Variants in FOXH1 observed in about 807,000 individuals in gnomAD.
The protein encoded by FOXH1 is forkhead box protein H1.
A neutral mutation model predicts 14.2 loss-of-function variants in FOXH1; 10 were observed. That is an observed-to-expected ratio of 0.70 (90% CI 0.43 to 1.19). FOXH1 has a LOEUF of 1.19. FOXH1 is among the 50% of genes most tolerant of loss of function. The pLI, the probability that FOXH1 is intolerant of heterozygous loss-of-function variation, is 0.00. For missense variants in FOXH1, 643 were observed against 492.1 expected (o/e 1.31, Z -2.90); for synonymous variants, 273 against 209.5 (o/e 1.30, Z -2.62).
At position 144,475,669 on chromosome 8, in the gene FOXH1, G is replaced by T. The variant is rs1334810532; in HGVS notation, c.88C>A (p.Arg30=). Residue 30 remains arginine (R), a synonymous_variant, in exon 1 of 3, where the codon CGA becomes AGA. Coordinates refer to ENST00000377317, the MANE Select transcript of FOXH1 (RefSeq NM_003923.3). ...TAGGTGTAGGGGGGCTTGTCATGTC[G>T]CAGGTACCTCTTCTTCCTCCTCTTA... The part of the protein sequence containing the change: ...PPKRRKKRYL[R]HDKPPYTYLA... 7.0e-7 allele frequency: 1 copy of T among 1,424,252 alleles called. No individual in the cohort carries two copies. The allele number at this position is 1,424,252 out of a possible 1,614,324, so 88.2% of individuals were successfully genotyped here.
Position 144,473,489 on chromosome 8 carries a change from C to T in FOXH1, c.*749G>A, listed in dbSNP as rs1232173039. 2.8e-6 allele frequency: 4 copies of T among 1,435,392 alleles called. No individual in the cohort carries two copies. The highest frequency in any genetic ancestry group is 2.7e-5 in the Admixed American group (1 of 36,934). The allele number at this position is 1,435,392 out of a possible 1,614,324, so 88.9% of individuals were successfully genotyped here. The stretch of plus-strand genomic sequence containing the variant: ...CCCCGTCTCCCAGGGCACAAGCTCC[C>T]TAGCCTCTTTGGATCCATTGCCCCT... On this transcript the variant is annotated 3_prime_UTR_variant, in exon 3 of 3. Transcript: ENST00000377317.
At position 144,474,261 on chromosome 8, in the gene FOXH1, GC is replaced by G; in HGVS notation, c.1074del (p.Trp358CysfsTer95). ...CCTCACAGGCTGCACCAGGAGAGCA[GC>G]CAGCCTGGGCCAGGGGCCGCCAGGT... Reference protein sequence around the residue: ...PRDLAAPGPGWLLSWCSL With the variant: ...PRDLAAPGPGXLLSWCSL On this transcript the variant is annotated frameshift_variant, in exon 3 of 3. Transcript: ENST00000377317. LOFTEE classifies it high-confidence loss of function. 1 of 1,587,818 alleles carries G rather than the reference GC, an allele frequency of 6.3e-7. No homozygotes were observed. Among genetic ancestry groups the G allele is most frequent in the Non-Finnish European group, 8.6e-7 (1 of 1,166,234 alleles).
Position 144,474,389 on chromosome 8 carries a change from TCAGGGGCCACCCCC to T in FOXH1, c.933_946del (p.Trp311Ter). The T allele has an allele frequency of 6.2e-7, 1 of 1,613,222 alleles. No homozygotes were observed. The highest frequency in any genetic ancestry group is 8.5e-7 in the Non-Finnish European group (1 of 1,180,000). On this transcript the variant is annotated stop_gained and frameshift_variant, in exon 3 of 3. Coordinates refer to ENST00000377317, the MANE Select transcript of FOXH1 (RefSeq NM_003923.3). LOFTEE classifies it high-confidence loss of function. ...GAGCAGCCCTGGGGGCCCTCGGGTT[TCAGGGGCCACCCCC>T]CAGTAGGCAGGGCTGGTTGACGGAC...
In FOXH1 at chr8:144,473,916, G is replaced by T. The variant is rs1440626432; in HGVS notation, c.*322C>A. On this transcript the variant is annotated 3_prime_UTR_variant, in exon 3 of 3. Coordinates refer to ENST00000377317, the MANE Select transcript of FOXH1 (RefSeq NM_003923.3). ...CCCTCCCCCAGCCTGGAGCACGGGA[G>T]GGGAGGTGACGGCTGGTGACTGATG... 2.3e-6 allele frequency: 1 copy of T among 433,728 alleles called. No individual in the cohort carries two copies. Among genetic ancestry groups the T allele is most frequent in the South Asian group, 4.2e-5 (1 of 23,998 alleles). 26.9% of individuals were successfully genotyped at this position (433,728 alleles called of 1,614,324 possible).
chr8:144,474,838 G>A lies in FOXH1; in HGVS notation c.498C>T (p.Gly166=), dbSNP rs762304863. Residue 166 remains glycine, a synonymous_variant, in exon 3 of 3, where the codon GGC becomes GGT. Transcript: ENST00000377317. The stretch of plus-strand genomic sequence containing the variant: ...CTCCTAGCAGGGACTTGATGCTGAA[G>A]CCCTCACTGGGTGGTGGCGGGGGAC... The part of the protein sequence containing the change: ...PPSPPPPPSE[G]FSIKSLLGGS... 1.2e-6 allele frequency: 2 copies of A among 1,611,774 alleles called. No individual in the cohort carries two copies. Among genetic ancestry groups the A allele is most frequent in the African/African-American group, 1.3e-5 (1 of 74,936 alleles).
chr8:144,474,663 G>T lies in FOXH1; in HGVS notation c.673C>A (p.Pro225Thr). 2 of 1,551,668 alleles carry T rather than the reference G, an allele frequency of 1.3e-6. No individual in the cohort carries two copies. Among genetic ancestry groups the T allele is most frequent in the East Asian group, 2.3e-5 (1 of 43,382 alleles). Residue 225 changes from proline (P) to threonine (T), a missense_variant, in exon 3 of 3, where the codon CCC becomes ACC. Pro to Thr is a conservative substitution (Grantham distance 38). Coordinates refer to ENST00000377317, the MANE Select transcript of FOXH1 (RefSeq NM_003923.3). ...ACAGTCTCCCCCTCCACTCTCGTGG[G>T]GCCAGGAAGGGGGCAGAGGGGCCAC... ...PLWPLCPLPG[P>T]TRVEGETVQG...
intron 1 of FOXH1, 48 bp downstream of exon 1, chr8:144,475,535 G>A (rs1408705160): frequency 7.1e-7 from 1 of 1,402,138 alleles, no homozygotes; most frequent in Admixed American, 2.9e-5. Context: ...GGAAGTGGGT[G>A]GGGAACGAGT....
At position 144,474,289 on chromosome 8, in the gene FOXH1, C is replaced by A; in HGVS notation, c.1047G>T (p.Arg349=). 6.2e-7 allele frequency: 1 copy of A among 1,605,550 alleles called. No individual in the cohort carries two copies. Among genetic ancestry groups the A allele is most frequent in the East Asian group, 2.2e-5 (1 of 44,788 alleles). ...SIYDVWVSHP[R]DLAAPGPGWL... ...AGCCTGGGCCAGGGGCCGCCAGGTC[C>A]CGAGGGTGGCTGACCCAAACGTCGT... Residue 349 remains arginine, a synonymous_variant, in exon 3 of 3, where the codon CGG becomes CGT. Transcript: ENST00000377317.
chr8:144,474,143 G>A lies in FOXH1; in HGVS notation c.*95C>T, dbSNP rs1210143173. ...CAAGGCTGCTGCCTGGTGTTTCGAGGCTGCTGTGGTCGCAGACAGCCGCCT... is the reference window on the plus strand; with the variant it reads ...CAAGGCTGCTGCCTGGTGTTTCGAGACTGCTGTGGTCGCAGACAGCCGCCT... On this transcript the variant is annotated 3_prime_UTR_variant, in exon 3 of 3. Transcript: ENST00000377317. 3.1e-6 allele frequency: 3 copies of A among 956,894 alleles called. No homozygotes were observed. Among genetic ancestry groups the A allele is most frequent in the Non-Finnish European group, 1.5e-6 (1 of 653,038 alleles). The allele number at this position is 956,894 out of a possible 1,614,324, so 59.3% of individuals were successfully genotyped here.
rs2130029590 is a variant in FOXH1, at chr8:144,473,597, C to T, written c.*641G>A. ...AAGTGATCACCCCCCGCCCCCAGCC[C>T]TGCATCAGGCCACAGGTCTTGGCTT... is the stretch of plus-strand genomic sequence containing the variant. On this transcript the variant is annotated 3_prime_UTR_variant, in exon 3 of 3. Coordinates refer to ENST00000377317, the MANE Select transcript of FOXH1 (RefSeq NM_003923.3). 1.5e-6 allele frequency: 1 copy of T among 683,032 alleles called. No homozygotes were observed. The highest frequency in any genetic ancestry group is 3.2e-5 in the East Asian group (1 of 30,942). The allele number at this position is 683,032 out of a possible 1,614,324, so 42.3% of individuals were successfully genotyped here. A position where few individuals can be genotyped will look rare whatever the true frequency, so the allele number is the denominator to read the frequency against.
rs374775293 is a variant in FOXH1 at position 144,474,811 on chromosome 8, C to T, written c.525G>A (p.Gly175=). ...EGFSIKSLLG[G]SGEGAPWPGL... ...CCGGCCAGGGTGCCCCCTCCCCGGACCCTCCTAGCAGGGACTTGATGCTGA... is the reference window on the plus strand; with the variant it reads ...CCGGCCAGGGTGCCCCCTCCCCGGATCCTCCTAGCAGGGACTTGATGCTGA... The change falls in exon 3 of 3, where the codon GGG becomes GGA. Residue 175 remains glycine (G), a synonymous_variant. Coordinates refer to ENST00000377317, the MANE Select transcript of FOXH1 (RefSeq NM_003923.3). 5.8e-5 allele frequency: 93 copies of T among 1,609,464 alleles called. No individual in the cohort carries two copies. In the African/African-American group the frequency reaches 8.1e-4, roughly 14 times the overall value.
Position 144,473,716 on chromosome 8 carries a change from A to C in FOXH1, c.*522T>G. 1 of 451,294 alleles carries C rather than the reference A, an allele frequency of 2.2e-6. No individual in the cohort carries two copies. The highest frequency in any genetic ancestry group is 3.9e-6 in the Non-Finnish European group (1 of 257,264). 28.0% of individuals were successfully genotyped at this position (451,294 alleles called of 1,614,324 possible). On this transcript the variant is annotated 3_prime_UTR_variant, in exon 3 of 3. Transcript: ENST00000377317. Reference sequence around the variant, plus strand: ...TACCCAAGTCACCACTCCTGACCCAAAAATCAGGCATGGCATTAAAACGTT... The same window carrying C: ...TACCCAAGTCACCACTCCTGACCCACAAATCAGGCATGGCATTAAAACGTT...
chr8:144,474,707 G>C lies in FOXH1; in HGVS notation c.629C>G (p.Pro210Arg). The C allele has an allele frequency of 6.5e-7, 1 of 1,537,444 alleles. No individual in the cohort carries two copies. The highest frequency in any genetic ancestry group is 1.2e-5 in the South Asian group (1 of 80,286). The change falls in exon 3 of 3, where the codon CCC (proline) becomes CGC (arginine). Residue 210 changes from proline to arginine, a missense_variant. Coordinates refer to ENST00000377317, the MANE Select transcript of FOXH1 (RefSeq NM_003923.3). Reference sequence around the variant, plus strand: ...GGGCCACAGAGGCCTCTCAGAAGAGGGAAGGGGTGGGGTGGGCACCGCCTC... The same window carrying C: ...GGGCCACAGAGGCCTCTCAGAAGAGCGAAGGGGTGGGGTGGGCACCGCCTC... ...GEEAVPTPPL[P>R]SSERPLWPLC...
chr8:144,473,811 G>A lies in FOXH1; in HGVS notation c.*427C>T. On this transcript the variant is annotated 3_prime_UTR_variant, in exon 3 of 3. Transcript: ENST00000377317. Reference sequence around the variant, plus strand: ...GGGTGCAGTCTTTACTCCCTAACCCGTTTCCCGAAAAAGGTGCTACCTCCT... The same window carrying A: ...GGGTGCAGTCTTTACTCCCTAACCCATTTCCCGAAAAAGGTGCTACCTCCT... The A allele has an allele frequency of 2.8e-6, 1 of 351,496 alleles. No homozygotes were observed. 21.8% of individuals were successfully genotyped at this position (351,496 alleles called of 1,614,324 possible).
At position 144,474,809 on chromosome 8, in the gene FOXH1, G is replaced by T. The variant is rs758309990; in HGVS notation, c.527C>A (p.Ser176Tyr). The T allele has an allele frequency of 1.6e-5, 25 of 1,609,120 alleles. No individual in the cohort carries two copies. Among genetic ancestry groups the T allele is most frequent in the Non-Finnish European group, 2.1e-5 (25 of 1,178,054 alleles). ...CCCCGGCCAGGGTGCCCCCTCCCCGGACCCTCCTAGCAGGGACTTGATGCT... is the reference window on the plus strand; with the variant it reads ...CCCCGGCCAGGGTGCCCCCTCCCCGTACCCTCCTAGCAGGGACTTGATGCT... ...GFSIKSLLGGSGEGAPWPGLA... is the reference protein window; with the variant it reads ...GFSIKSLLGGYGEGAPWPGLA... Residue 176 changes from serine to tyrosine, a missense_variant, in exon 3 of 3, where the codon TCC (serine) becomes TAC (tyrosine). Transcript: ENST00000377317.
chr8:144,475,319 C>G, intron 1 of FOXH1, 58 bp from the exon 2 acceptor site: 3 of 1,388,728 alleles, frequency 2.2e-6, no homozygotes, highest in Non-Finnish European at 3.0e-6. Context: ...GGGGTAGCGC[C>G]CTACCCCTCC....
rs1435038507 is a variant in FOXH1 at position 144,474,105 on chromosome 8, C to T, written c.*133G>A. Reference sequence around the variant, plus strand: ...ATGCGTGGGGTGGCCCAATAAACACCGTGGACTCCCAGCAAGGCTGCTGCC... The same window carrying T: ...ATGCGTGGGGTGGCCCAATAAACACTGTGGACTCCCAGCAAGGCTGCTGCC... On this transcript the variant is annotated 3_prime_UTR_variant, in exon 3 of 3. Coordinates refer to ENST00000377317, the MANE Select transcript of FOXH1 (RefSeq NM_003923.3). The T allele has an allele frequency of 5.7e-6, 4 of 704,252 alleles. No homozygotes were observed. Among genetic ancestry groups the T allele is most frequent in the Non-Finnish European group, 7.0e-6 (3 of 430,172 alleles). The allele number at this position is 704,252 out of a possible 1,614,324, so 43.6% of individuals were successfully genotyped here. A position where few individuals can be genotyped will look rare whatever the true frequency, so the allele number is the denominator to read the frequency against.
In FOXH1 at chr8:144,475,693, T is replaced by G; in HGVS notation, c.64A>C (p.Lys22Gln). 1 of 1,418,140 alleles carries G rather than the reference T, an allele frequency of 7.1e-7. No individual in the cohort carries two copies. The highest frequency in any genetic ancestry group is 1.7e-5 in the South Asian group (1 of 60,160). 87.8% of individuals were successfully genotyped at this position (1,418,140 alleles called of 1,614,324 possible). A position where few individuals can be genotyped will look rare whatever the true frequency, so the allele number is the denominator to read the frequency against. ...PEAESPSQPP[K>Q]RRKKRYLRHD... ...CGCAGGTACCTCTTCTTCCTCCTCTTAGGGGGCTGGGAGGGCGACTCTGCC... is the reference window on the plus strand; with the variant it reads ...CGCAGGTACCTCTTCTTCCTCCTCTGAGGGGGCTGGGAGGGCGACTCTGCC... The change falls in exon 1 of 3, where the codon AAG becomes CAG. Residue 22 changes from lysine (K) to glutamine (Q), a missense_variant. By Grantham distance (53) the Lys-to-Gln change is moderately conservative (BLOSUM62 1). Coordinates refer to ENST00000377317, the MANE Select transcript of FOXH1 (RefSeq NM_003923.3).
chr8:144,475,592 C>T lies in FOXH1; in HGVS notation c.165G>A (p.Lys55=), dbSNP rs776865143. The change falls in exon 1 of 3, where the codon AAG becomes AAA. Residue 55 remains lysine, a synonymous_variant. Transcript: ENST00000377317. ...VIQAAPSRRL[K]LAQIIRQVQA... ...GCCGGGGCCCGCTCACCTGGGCCAG[C>T]TTCAGTCTGCGGGAGGGAGCGGCCT... The T allele has an allele frequency of 7.2e-5, 104 of 1,448,618 alleles. No homozygotes were observed. Among genetic ancestry groups the T allele is most frequent in the Admixed American group, 5.2e-4 (18 of 34,576 alleles). The allele number at this position is 1,448,618 out of a possible 1,614,324, so 89.7% of individuals were successfully genotyped here.
Sources: allele counts gnomAD v4.1 joint callset, GRCh38; gene constraint gnomAD v4.1.1; transcripts MANE v1.5; gene names NCBI Gene and HGNC (gene_info 2026-07-23, HGNC 2026-07-21).